SNX6: variants seen among roughly 807,000 people sequenced by gnomAD.
SNX6 encodes the protein sorting nexin-6.
A neutral mutation model predicts 63.0 loss-of-function variants in SNX6; 34 were observed. That is an observed-to-expected ratio of 0.54 (90% CI 0.41 to 0.72). The LOEUF (loss-of-function observed/expected upper bound fraction) is 0.72, where lower values mean the gene tolerates loss of function less well. Ranked by LOEUF, SNX6 falls within the 30% of genes least tolerant of loss-of-function variation. SNX6 has a pLI of 0.00. For synonymous variants in SNX6, 170 were observed against 164.2 expected, an observed-to-expected ratio of 1.04 and a Z score of -0.27; for missense variants, 398 against 471.4, an observed-to-expected ratio of 0.84 and a Z score of 1.44.
At position 34,592,370 on chromosome 14, in the gene SNX6, T is replaced by C. The variant is rs181653946; in HGVS notation, c.718+675A>G. Among the ~76,000 whole-genome samples the C allele has an allele frequency of 9.9e-5, 15 of 151,758 alleles. No individual in the cohort carries two copies. In the East Asian group the frequency reaches 2.7e-3, roughly 28 times the overall value. On this transcript the variant is annotated intron_variant, in intron 8 of 13. Transcript: ENST00000362031. The stretch of plus-strand genomic sequence containing the variant: ...CACCGCTGCACTCCAGCCTGGGCGA[T>C]AGAGACTCTGTCTCAAAGAAAAAAA...
chr14:34,614,946 AT>A lies in SNX6; in HGVS notation c.55-5205del, dbSNP rs1005919152. On this transcript the variant is annotated intron_variant, in intron 2 of 13. Coordinates refer to ENST00000362031, the MANE Select transcript of SNX6 (RefSeq NM_152233.4). ...TCTCTATGTACACTTTTGCTTTCAG[AT>A]TTTTTTTTTTAACTACTGATCTATC... Among the ~76,000 whole-genome samples, 1,075 of 148,204 alleles carry A rather than the reference AT, an allele frequency of 7.3e-3. 8 individuals carry two copies. The highest frequency in any genetic ancestry group is 0.025 in the African/African-American group (1,014 of 40,744).
intron 9 of SNX6, among the ~76,000 whole-genome samples, chr14:34,581,900 C>G (rs1375311158): frequency 6.6e-6 from 1 of 152,112 alleles, no homozygotes; most frequent in African/African-American, 2.4e-5. Context: ...GCAATCTCAG[C>G]TCACTGTAAC....
chr14:34,610,742 A>T (rs1208123400), intron 2 of SNX6, among the ~76,000 whole-genome samples: 1 of 152,114 alleles, frequency 6.6e-6, no homozygotes, highest in Admixed American at 6.6e-5. Flanking sequence ...TCTTTAAACA[A>T]TAAATAACTT....
chr14:34,585,681 C>T (rs570051540), intron 9 of SNX6, among the ~76,000 whole-genome samples: 13 of 150,372 alleles, frequency 8.6e-5, no homozygotes, highest in African/African-American at 2.4e-4. Context: ...CTGCAACCTC[C>T]GCCTCCCGGG....
chr14:34,568,784 T>C (rs528299482), intron 11 of SNX6: 13 of 962,506 alleles, frequency 1.4e-5, no homozygotes, highest in South Asian at 1.1e-4. Context: ...TCTTGGTCCT[T>C]TTCCACCATT....
At position 34,562,930 on chromosome 14, in the gene SNX6, G is replaced by A. The variant is rs1421986584; in HGVS notation, c.*192C>T. The A allele has an allele frequency of 2.0e-5, 12 of 610,966 alleles. No homozygotes were observed. Among genetic ancestry groups the A allele is most frequent in the African/African-American group, 9.3e-5 (5 of 53,762 alleles). 37.8% of individuals were successfully genotyped at this position (610,966 alleles called of 1,614,324 possible). A position where few individuals can be genotyped will look rare whatever the true frequency, so the allele number is the denominator to read the frequency against. On this transcript the variant is annotated 3_prime_UTR_variant, in exon 14 of 14. Coordinates refer to ENST00000362031, the MANE Select transcript of SNX6 (RefSeq NM_152233.4). ...ACCACTGTCATGGGGAACACAGTGC[G>A]GCATCACGGCACACAGACTGGCATC...
intron 13 of SNX6, among the ~76,000 whole-genome samples, chr14:34,564,593 C>T (rs541775805): frequency 7.2e-5 from 11 of 151,984 alleles, no homozygotes; most frequent in Admixed American, 2.6e-4. Context: ...TCTGGGAAGC[C>T]GAGGTAGGCG....
At position 34,570,512 on chromosome 14, in the gene SNX6, C is replaced by A. The variant is rs549063149; in HGVS notation, c.922-2499G>T. On this transcript the variant is annotated intron_variant, in intron 11 of 13. Transcript: ENST00000362031. Reference sequence around the variant, plus strand: ...TCTCGGCTCAGGGCAACCTCTGCTTCCCAGATTCAAGCAATTCTCCACCTC... The same window carrying A: ...TCTCGGCTCAGGGCAACCTCTGCTTACCAGATTCAAGCAATTCTCCACCTC... Among the ~76,000 whole-genome samples, 7 of 151,778 alleles carry A rather than the reference C, an allele frequency of 4.6e-5. No individual in the cohort carries two copies. In the East Asian group the frequency reaches 1.4e-3, roughly 29 times the overall value.
intron 8 of SNX6, among the ~76,000 whole-genome samples, chr14:34,590,524 C>T (rs945419858): frequency 6.6e-6 from 1 of 151,502 alleles, no homozygotes; most frequent in East Asian, 1.9e-4. Context: ...ATCTAAACCA[C>T]ACTGAGTTAC....
intron 6 of SNX6, among the ~76,000 whole-genome samples, chr14:34,599,497 C>G (rs1020693917): frequency 6.6e-6 from 1 of 151,780 alleles, no homozygotes; most frequent in Non-Finnish European, 1.5e-5. Flanking sequence ...ATCCCAGCTA[C>G]TAGGGAGACT....
chr14:34,620,857 G>A (rs1344627283), intron 2 of SNX6, among the ~76,000 whole-genome samples: 1 of 152,136 alleles, frequency 6.6e-6, no homozygotes, highest in African/African-American at 2.4e-5. Flanking sequence ...ACAAGAAACT[G>A]CTTAAATCCG....
intron 11 of SNX6, among the ~76,000 whole-genome samples, chr14:34,572,671 GTTT>G (rs201295582): frequency 6.6e-6 from 1 of 150,908 alleles, no homozygotes; most frequent in Non-Finnish European, 1.5e-5. Flanking sequence ...AGTTATTTGT[GTTT>G]TTTTTGTTTT....
chr14:34,609,837 A>G (rs1182373610), intron 2 of SNX6, 95 bp from the exon 3 acceptor site: 2 of 793,332 alleles, frequency 2.5e-6, no homozygotes, highest in Admixed American at 5.2e-5. Context: ...AAAAATAACA[A>G]AAGATTATTA....
intron 11 of SNX6, among the ~76,000 whole-genome samples, chr14:34,569,954 C>T (rs1366422810): frequency 1.3e-5 from 2 of 152,152 alleles, no homozygotes; most frequent in African/African-American, 2.4e-5. Context: ...GAGTAACTGC[C>T]ATATGGTTTT....
chr14:34,586,119 T>C (rs1594713624), intron 9 of SNX6, 111 bp downstream of exon 9: 1 of 524,572 alleles, frequency 1.9e-6, no homozygotes. Context: ...GTCAGGCTGG[T>C]CTTGAACTCC....
intron 2 of SNX6, among the ~76,000 whole-genome samples, chr14:34,611,243 T>C (rs2138361777): frequency 6.9e-6 from 1 of 144,294 alleles, no homozygotes; most frequent in Non-Finnish European, 1.5e-5. Flanking sequence ...TCCGCCCACC[T>C]TGGCATTCGA....
intron 5 of SNX6, among the ~76,000 whole-genome samples, chr14:34,603,856 C>T (rs1254020882): frequency 6.6e-6 from 1 of 151,432 alleles, no homozygotes; most frequent in Non-Finnish European, 1.5e-5. Context: ...CAACTTAGTA[C>T]AAAAAAAATT....
intron 2 of SNX6, among the ~76,000 whole-genome samples, chr14:34,626,456 C>A (rs990657894): frequency 2.7e-5 from 4 of 150,664 alleles, no homozygotes; most frequent in Admixed American, 1.3e-4. Context: ...AGATCTAGAC[C>A]ATCCTGGCTA....
chr14:34,620,562 T>C (rs993230728), intron 2 of SNX6, among the ~76,000 whole-genome samples: 7 of 152,220 alleles, frequency 4.6e-5, no homozygotes, highest in Non-Finnish European at 7.3e-5. Context: ...TTGGCCTCTA[T>C]GCAGTATTCT....
Sources: allele counts gnomAD v4.1 joint callset (sites outside exome capture counted in the v4.1 genomes callset), GRCh38; gene constraint gnomAD v4.1.1; transcripts MANE v1.5; gene names NCBI Gene and HGNC (gene_info 2026-07-23, HGNC 2026-07-21).